The following USP33 variants were observed in gnomAD, a reference collection of about 807,000 sequenced individuals.
USP33 encodes the protein ubiquitin carboxyl-terminal hydrolase 33.
USP33 carries 46 observed loss-of-function variants against 124.2 expected under a neutral mutation model. The ratio of observed to expected loss-of-function variants is 0.37; its 90% CI spans 0.29 to 0.47. USP33 has a LOEUF of 0.47. Ranked by LOEUF, USP33 falls within the 20% of genes least tolerant of loss-of-function variation. USP33 has a pLI of 0.99. For synonymous variants in USP33, 350 were observed against 352.3 expected (o/e 0.99, Z 0.07); for missense variants, 851 against 1,070.6 (o/e 0.79, Z 2.86).
At chr1:77,704,709 C>T (rs1047114775) in intron 21 of USP33, among the ~76,000 whole-genome samples, 1 of 152,244 alleles carries the variant, frequency 6.6e-6, no homozygotes, top group East Asian at 1.9e-4. Context: ...GAAATCTTTC[C>T]GCTATATCTT....
chr1:77,699,342 G>GA (rs2101152885), intron 22 of USP33, among the ~76,000 whole-genome samples: 1 of 152,238 alleles, frequency 6.6e-6, no homozygotes, highest in Non-Finnish European at 1.5e-5. Context: ...CTAACATGGT[G>GA]AAACCCCATC....
intron 22 of USP33, 100 bp downstream of exon 22, chr1:77,701,269 C>T: frequency 1.3e-6 from 1 of 767,932 alleles, no homozygotes; most frequent in Non-Finnish European, 2.1e-6. Context: ...CTCTTCTGTT[C>T]AATAGTGTAA....
chr1:77,728,644 TTC>T lies in USP33; in HGVS notation c.784_785del (p.Glu262SerfsTer11). On this transcript the variant is annotated frameshift_variant, in exon 10 of 24. Transcript: ENST00000370794. LOFTEE classifies it high-confidence loss of function. Reference sequence around the variant, plus strand: ...TTATGGTTTGCGGATCTTCTTCTACTTCCATGACTTGCTCTTTCAATTCTTCA... The same window carrying T: ...TTATGGTTTGCGGATCTTCTTCTACTCATGACTTGCTCTTTCAATTCTTCA... ...LHEELKEQVM[E>X]VEEDPQTITT... 1 of 1,614,108 alleles carries T rather than the reference TTC, an allele frequency of 6.2e-7. No homozygotes were observed. The highest frequency in any genetic ancestry group is 8.5e-7 in the Non-Finnish European group (1 of 1,180,006).
chr1:77,757,660 T>C (rs1680922546), intron 1 of USP33, among the ~76,000 whole-genome samples: 1 of 152,246 alleles, frequency 6.6e-6, no homozygotes, highest in South Asian at 2.1e-4. Flanking sequence ...TTCATTTTCT[T>C]GTGAAGAGTC....
intron 20 of USP33, among the ~76,000 whole-genome samples, chr1:77,712,305 T>C (rs1419271891): frequency 4.6e-5 from 7 of 152,184 alleles, no homozygotes; most frequent in Non-Finnish European, 1.0e-4. Context: ...TGTTTTAAAA[T>C]AAAGGTCAGG....
chr1:77,718,656 G>C lies in USP33; in HGVS notation c.1692-15C>G. On this transcript the variant is annotated splice_polypyrimidine_tract_variant and intron_variant, in intron 15 of 23. Transcript: ENST00000370794. ...CATTTCTCAACCTAAGGGGAGAAAAGAGAAAATCAATTAGTCTACAAAAAA... is the reference window on the plus strand; with the variant it reads ...CATTTCTCAACCTAAGGGGAGAAAACAGAAAATCAATTAGTCTACAAAAAA... 1 of 1,592,292 alleles carries C rather than the reference G, an allele frequency of 6.3e-7. No individual in the cohort carries two copies. The highest frequency in any genetic ancestry group is 8.6e-7 in the Non-Finnish European group (1 of 1,167,816).
intron 20 of USP33, 139 bp downstream of exon 20, chr1:77,713,061 C>A: frequency 1.6e-6 from 1 of 641,394 alleles, no homozygotes; most frequent in South Asian, 2.2e-5. Flanking sequence ...CAAAGTCTTC[C>A]TACTCACACT....
intron 22 of USP33, among the ~76,000 whole-genome samples, chr1:77,700,870 T>G (rs957294705): frequency 6.6e-6 from 1 of 152,054 alleles, no homozygotes; most frequent in African/African-American, 2.4e-5. Flanking sequence ...CCAGCTAATT[T>G]TTGTATTTTT....
At chr1:77,713,913 GT>G (rs1243723517) in intron 19 of USP33, among the ~76,000 whole-genome samples, 2 of 152,152 alleles carry the variant, frequency 1.3e-5, no homozygotes, top group Non-Finnish European at 2.9e-5. Flanking sequence ...TTTGGTGATT[GT>G]GTTTCCTCAA....
chr1:77,700,397 G>A (rs1557807067), intron 22 of USP33, among the ~76,000 whole-genome samples: 2 of 152,196 alleles, frequency 1.3e-5, no homozygotes, highest in Middle Eastern at 3.4e-3. Context: ...TTGAGCCCAG[G>A]AGTTCCTGGG....
Position 77,759,790 on chromosome 1 carries a change from C to CG in USP33, c.-200dup, listed in dbSNP as rs1194081388. The CG allele has an allele frequency of 9.6e-5, 38 of 397,682 alleles. No individual in the cohort carries two copies. Among genetic ancestry groups the CG allele is most frequent in the Middle Eastern group, 1.3e-3 (2 of 1,588 alleles). The allele number at this position is 397,682 out of a possible 1,614,324, so 24.6% of individuals were successfully genotyped here. ...GAAAACGGCCCCGCAGCGCTGCCCT[C>CG]GGGGGGTCCGCCTCCTGAACTGGCC... On this transcript the variant is annotated 5_prime_UTR_variant, in exon 1 of 24. Coordinates refer to ENST00000370794, the MANE Select transcript of USP33 (RefSeq NM_201624.3).
Position 77,716,493 on chromosome 1 carries a change from A to C in USP33, c.1919-625T>G, listed in dbSNP as rs181162458. On this transcript the variant is annotated intron_variant, in intron 17 of 23. Coordinates refer to ENST00000370794, the MANE Select transcript of USP33 (RefSeq NM_201624.3). ...AGAACAGTGCTGTAAACAGTTGCAG[A>C]CAGCAGCCTCGACGAGCCAGTGAGA... Among the ~76,000 whole-genome samples the C allele has an allele frequency of 1.1e-4, 16 of 152,354 alleles. No homozygotes were observed. The East Asian group carries it at 2.7e-3, about 26-fold the overall frequency.
intron 5 of USP33, among the ~76,000 whole-genome samples, chr1:77,737,338 C>T (rs906535599): frequency 6.6e-6 from 1 of 152,168 alleles, no homozygotes; most frequent in African/African-American, 2.4e-5. Flanking sequence ...GGACTTCATA[C>T]TTTCATTTTG....
intron 1 of USP33, among the ~76,000 whole-genome samples, chr1:77,743,454 A>C (rs551834794): frequency 1.3e-5 from 2 of 151,972 alleles, no homozygotes; most frequent in Non-Finnish European, 2.9e-5. Flanking sequence ...ACCAGGAACC[A>C]CTCTAGGGTT....
chr1:77,720,165 G>GAAA (rs745681259), intron 15 of USP33, among the ~76,000 whole-genome samples: 456 of 42,750 alleles, frequency 0.011, 83 homozygotes, highest in Non-Finnish European at 0.017. Flanking sequence ...TGTCTCAAAT[G>GAAA]AAAAAAAAAA....
intron 1 of USP33, among the ~76,000 whole-genome samples, chr1:77,757,109 C>T (rs1680871681): frequency 6.6e-6 from 1 of 152,198 alleles, no homozygotes; most frequent in African/African-American, 2.4e-5. Flanking sequence ...TTACAAATAT[C>T]CTCCAATATT....
chr1:77,715,962 G>A (rs1184262420), intron 17 of USP33, 94 bp from the exon 18 acceptor site: 4 of 1,267,628 alleles, frequency 3.2e-6, no homozygotes, highest in African/African-American at 1.5e-5. Flanking sequence ...TAGCACAGTA[G>A]CTGGAATATA....
chr1:77,713,527 G>C, intron 19 of USP33: 3 of 336,036 alleles, frequency 8.9e-6, no homozygotes, highest in Non-Finnish European at 1.0e-5. Flanking sequence ...TGGGACTACA[G>C]GCATGCTTCA....
At chr1:77,707,009 G>C (rs1208854409) in intron 21 of USP33, among the ~76,000 whole-genome samples, 1 of 152,172 alleles carries the variant, frequency 6.6e-6, no homozygotes, top group Non-Finnish European at 1.5e-5. Flanking sequence ...TCATGTCACT[G>C]AATCAGCAAG....
Sources: allele counts gnomAD v4.1 joint callset (sites outside exome capture counted in the v4.1 genomes callset), GRCh38; gene constraint gnomAD v4.1.1; transcripts MANE v1.5; gene names NCBI Gene and HGNC (gene_info 2026-07-23, HGNC 2026-07-21).